KCNK9: variants seen among roughly 807,000 people sequenced by gnomAD.
KCNK9 encodes potassium channel subfamily K member 9.
A neutral mutation model predicts 10.8 loss-of-function variants in KCNK9; 1 was observed. That is an observed-to-expected ratio of 0.09 (90% CI 0.03 to 0.44). The LOEUF is 0.44. Among genes scored for constraint, KCNK9 ranks in the 20% least tolerant of loss-of-function variants. The pLI is 0.97. For synonymous variants in KCNK9, 231 were observed against 222.7 expected, an observed-to-expected ratio of 1.04 and a Z score of -0.33; for missense variants, 303 against 515.0, an observed-to-expected ratio of 0.59 and a Z score of 3.98.
chr8:139,631,287 G>T (rs1815164138), intron 1 of KCNK9, among the ~76,000 whole-genome samples: 1 of 152,208 alleles, frequency 6.6e-6, no homozygotes, highest in Admixed American at 6.5e-5. Flanking sequence ...AGATACTGTG[G>T]GCTGGCGCTG....
At position 139,617,513 on chromosome 8, in the gene KCNK9, C is replaced by T. The variant is rs925186807; in HGVS notation, c.*745G>A. On this transcript the variant is annotated 3_prime_UTR_variant, in exon 2 of 2. Coordinates refer to ENST00000520439, the MANE Select transcript of KCNK9 (RefSeq NM_001282534.2). The stretch of plus-strand genomic sequence containing the variant: ...ACTGGCAAGCTAAGATGGTTTGGGT[C>T]GTCTTGCCCACCCGCCCCTAAAAAA... Among the ~76,000 whole-genome samples, 6 of 152,242 alleles carry T rather than the reference C, an allele frequency of 3.9e-5. No homozygotes were observed. The South Asian group carries it at 8.3e-4, about 21-fold the overall frequency.
chr8:139,652,448 C>T (rs1302226884), intron 1 of KCNK9, among the ~76,000 whole-genome samples: 1 of 152,200 alleles, frequency 6.6e-6, no homozygotes, highest in Non-Finnish European at 1.5e-5. Flanking sequence ...CCTGGTCACC[C>T]TGAGGCACAT....
chr8:139,690,505 C>A (rs1380669412), intron 1 of KCNK9, among the ~76,000 whole-genome samples: 1 of 152,186 alleles, frequency 6.6e-6, no homozygotes, highest in Non-Finnish European at 1.5e-5. Context: ...GATGCTATTT[C>A]TACCTTTCTC....
intron 1 of KCNK9, among the ~76,000 whole-genome samples, chr8:139,658,336 G>A (rs1420348233): frequency 1.3e-5 from 2 of 152,110 alleles, no homozygotes; most frequent in African/African-American, 4.8e-5. Context: ...AGCTGAGCAG[G>A]GAAGGCACAC....
chr8:139,691,880 A>G (rs1261618897), intron 1 of KCNK9, among the ~76,000 whole-genome samples: 1 of 152,216 alleles, frequency 6.6e-6, no homozygotes, highest in Non-Finnish European at 1.5e-5. Context: ...CCCATTTTCC[A>G]GGTTCCCTTG....
intron 1 of KCNK9, among the ~76,000 whole-genome samples, chr8:139,691,948 TG>T: frequency 6.6e-6 from 1 of 152,314 alleles, no homozygotes; most frequent in East Asian, 1.9e-4. Context: ...TAGAAGCTGT[TG>T]GGCGGGTCAT....
intron 1 of KCNK9, among the ~76,000 whole-genome samples, chr8:139,700,343 G>C (rs1049781535): frequency 6.6e-6 from 1 of 152,182 alleles, no homozygotes; most frequent in Non-Finnish European, 1.5e-5. Context: ...CTGAGGTCAG[G>C]AGTTGGGAAA....
In KCNK9 at chr8:139,633,237, C is replaced by T. The variant is rs115534084; in HGVS notation, c.284-14138G>A. Among the ~76,000 whole-genome samples, 346 of 152,264 alleles carry T rather than the reference C, an allele frequency of 2.3e-3. 1 individual carries two copies. Among genetic ancestry groups the T allele is most frequent in the African/African-American group, 8.0e-3 (331 of 41,528 alleles). On this transcript the variant is annotated intron_variant, in intron 1 of 1. Coordinates refer to ENST00000520439, the MANE Select transcript of KCNK9 (RefSeq NM_001282534.2). ...AGATATGCTCACACACACATCTGGC[C>T]TGAGGCATGTAGCTAAGGTATAAGA...
chr8:139,635,015 C>T (rs1002117561), intron 1 of KCNK9, among the ~76,000 whole-genome samples: 11 of 152,156 alleles, frequency 7.2e-5, no homozygotes, highest in Non-Finnish European at 1.2e-4. Context: ...CCATCTGGGT[C>T]GTTCCCCTGC....
At chr8:139,626,511 C>A (rs1228527900) in intron 1 of KCNK9, among the ~76,000 whole-genome samples, 1 of 152,158 alleles carries the variant, frequency 6.6e-6, no homozygotes. Context: ...CAGGTTTGAG[C>A]CCTGACCGTG....
intron 1 of KCNK9, among the ~76,000 whole-genome samples, chr8:139,676,293 C>T (rs1240479468): frequency 1.3e-5 from 2 of 152,226 alleles, no homozygotes; most frequent in South Asian, 4.1e-4. Context: ...GTGGTGGATT[C>T]CCCCAACCCA....
At chr8:139,664,503 C>T (rs1438868273) in intron 1 of KCNK9, among the ~76,000 whole-genome samples, 1 of 152,100 alleles carries the variant, frequency 6.6e-6, no homozygotes, top group African/African-American at 2.4e-5. Flanking sequence ...GCTAAATATG[C>T]TCCCCCAAAC....
rs930878258 is a variant in KCNK9 at position 139,702,536 on chromosome 8, C to T, written c.283+174G>A. 1.3e-5 allele frequency among the ~76,000 whole-genome samples: 2 copies of T among 152,180 alleles called. No individual in the cohort carries two copies. The highest frequency in any genetic ancestry group is 4.2e-4 in the South Asian group (2 of 4,812). ...GGTGGGGTCCCCGAAGGGTGAGGCT[C>T]GGAGGCGCCGCGGAGGGGGGGCTCC... On this transcript the variant is annotated intron_variant, in intron 1 of 1. Transcript: ENST00000520439. The surrounding 1 kb of genome is among the most constrained non-coding windows in gnomAD (Gnocchi z 7.5).
At chr8:139,627,856 G>T (rs951349400) in intron 1 of KCNK9, among the ~76,000 whole-genome samples, 3 of 152,222 alleles carry the variant, frequency 2.0e-5, no homozygotes, top group Non-Finnish European at 4.4e-5. Context: ...AAGGTAACAG[G>T]GCTGTGAGCA....
intron 1 of KCNK9, among the ~76,000 whole-genome samples, chr8:139,671,511 CT>C (rs35081138): frequency 0.43 from 56,667 of 132,590 alleles, 12,296 homozygotes; most frequent in Non-Finnish European, 0.5. Flanking sequence ...TTTTTAGTTT[CT>C]TTTTTTTTTT....
chr8:139,668,704 G>A (rs1162482405), intron 1 of KCNK9, among the ~76,000 whole-genome samples: 2 of 152,210 alleles, frequency 1.3e-5, no homozygotes, highest in Non-Finnish European at 2.9e-5. Context: ...TTACAGGCGT[G>A]AGCCACCGCG....
At chr8:139,603,916 C>T (rs1025063841) in intron 2 of KCNK9, among the ~76,000 whole-genome samples, 1 of 152,212 alleles carries the variant, frequency 6.6e-6, no homozygotes, top group African/African-American at 2.4e-5. Flanking sequence ...ATCCCCAGTC[C>T]ACATTCTTGG....
At chr8:139,616,348 A>G (rs1418035786), downstream of KCNK9, 1 of 152,338 alleles carries the variant, frequency 6.6e-6, no homozygotes, top group Middle Eastern at 3.4e-3. Flanking sequence ...AGGGCCTCCC[A>G]TTAAACAAAA....
chr8:139,652,408 G>A (rs1442670260), intron 1 of KCNK9, among the ~76,000 whole-genome samples: 2 of 152,210 alleles, frequency 1.3e-5, no homozygotes, highest in Non-Finnish European at 2.9e-5. Context: ...CTGTGTCCTT[G>A]TTCTCTGCTA....
Sources: gnomAD v4.1 joint callset for allele counts (sites outside exome capture counted in the v4.1 genomes callset) on GRCh38, gnomAD v4.1.1 for gene constraint, Gnocchi (gnomAD v3.1) non-coding constraint, MANE v1.5 for transcripts, NCBI Gene and HGNC (gene_info 2026-07-23, HGNC 2026-07-21) for gene names.